Variants in TAGAP observed in about 807,000 individuals in gnomAD.
The protein encoded by TAGAP is T-cell activation Rho GTPase-activating protein.
Under a neutral mutation model 36.0 loss-of-function variants are expected in TAGAP, and 16 were observed. The ratio of observed to expected loss-of-function variants is 0.44; its 90% CI spans 0.30 to 0.68. TAGAP has a LOEUF of 0.68. Ranked by LOEUF, TAGAP falls within the 30% of genes least tolerant of loss-of-function variation. TAGAP has a pLI of 0.09. For synonymous variants in TAGAP, 372 were observed against 377.4 expected (o/e 0.99, Z 0.17); for missense variants, 794 against 921.5 (o/e 0.86, Z 1.79).
chr6:159,038,290 G>C, intron 8 of TAGAP, 62 bp from the exon 9 acceptor site: 1 of 837,456 alleles, frequency 1.2e-6, no homozygotes, highest in Non-Finnish European at 1.9e-6. Flanking sequence ...TTTTTTTTTG[G>C]AGGTGAGGAA....
chr6:159,038,225 T>C lies in TAGAP; in HGVS notation c.787A>G (p.Lys263Glu). 6.4e-7 allele frequency: 1 copy of C among 1,570,496 alleles called. No individual in the cohort carries two copies. The highest frequency in any genetic ancestry group is 8.7e-7 in the Non-Finnish European group (1 of 1,143,150). ...TCAATGAGGAATTCCACCAGTGTCT[T>C]CACCTGTGAGGAAAAGTAAGCAATT... ...EAQKDLNNKV[K>E]TLVEFLIDNC... The change falls in exon 9 of 10, where the codon AAG becomes GAG. Residue 263 changes from lysine to glutamate, a missense_variant. Physicochemically the swap from Lys to Glu is moderately conservative, Grantham distance 56. Coordinates refer to ENST00000367066, the MANE Select transcript of TAGAP (RefSeq NM_054114.5).
At chr6:159,040,673 A>G in intron 7 of TAGAP, 50 bp downstream of exon 7, 1 of 1,420,792 alleles carries the variant, frequency 7.0e-7, no homozygotes, top group Non-Finnish European at 9.9e-7. Context: ...AAAGAATCAA[A>G]AGACGGAGGT....
chr6:159,036,753 C>T lies in TAGAP; in HGVS notation c.1270G>A (p.Glu424Lys). ...ESEEAEDPFP[E>K]EVFPAVQGKT... ...CCTTGCACTGCAGGGAAGACCTCCT[C>T]TGGAAATGGGTCTTCAGCCTCCTCA... Residue 424 changes from glutamate (E) to lysine (K), a missense_variant, in exon 10 of 10, where the codon GAG (glutamate) becomes AAG (lysine). By Grantham distance (56) the Glu-to-Lys change is moderately conservative (BLOSUM62 1). Transcript: ENST00000367066. The surrounding 1 kb of genome is among the most constrained non-coding windows in gnomAD (Gnocchi z 4.9). 3.1e-6 allele frequency: 5 copies of T among 1,614,222 alleles called. No homozygotes were observed. The highest frequency in any genetic ancestry group is 4.2e-6 in the Non-Finnish European group (5 of 1,180,032).
intron 4 of TAGAP, 30 bp downstream of exon 4, chr6:159,043,559 A>G (rs1779830748): frequency 6.2e-7 from 1 of 1,610,582 alleles, no homozygotes; most frequent in Non-Finnish European, 8.5e-7. Context: ...TAGCACTTAC[A>G]TAAAAGATCG....
chr6:159,038,843 A>G lies in TAGAP; in HGVS notation c.783+271T>C, dbSNP rs1441999891. On this transcript the variant is annotated intron_variant, in intron 8 of 9. Transcript: ENST00000367066. ...ATAGACTGTGGTGTACAAAACACAA[A>G]AACAAAAGGGCTTTTTTATATCGGG... is the stretch of plus-strand genomic sequence containing the variant. 2.3e-6 allele frequency: 3 copies of G among 1,289,602 alleles called. No individual in the cohort carries two copies. In the African/African-American group the frequency reaches 4.5e-5, roughly 19 times the overall value. The allele number at this position is 1,289,602 out of a possible 1,614,324, so 79.9% of individuals were successfully genotyped here.
In TAGAP at chr6:159,041,985, C is replaced by G. The variant is rs1779769461; in HGVS notation, c.315+93G>C. 7.1e-7 allele frequency: 1 copy of G among 1,411,306 alleles called. No individual in the cohort carries two copies. Among genetic ancestry groups the G allele is most frequent in the Non-Finnish European group, 9.7e-7 (1 of 1,029,138 alleles). 87.4% of individuals were successfully genotyped at this position (1,411,306 alleles called of 1,614,324 possible). On this transcript the variant is annotated intron_variant, in intron 5 of 9. Coordinates refer to ENST00000367066, the MANE Select transcript of TAGAP (RefSeq NM_054114.5). This position sits in a 1 kb window ranked among gnomAD's most constrained non-coding sequence, Gnocchi z 4.1. ...GGAAAATATGGAAGATCAGTCCCTA[C>G]AAACTTAATAGGAGAATGACATTCA... is the stretch of plus-strand genomic sequence containing the variant.
Position 159,036,519 on chromosome 6 carries a change from G to A in TAGAP, c.1504C>T (p.Arg502Ter). The A allele has an allele frequency of 6.2e-7, 1 of 1,614,082 alleles. No homozygotes were observed. Among genetic ancestry groups the A allele is most frequent in the South Asian group, 1.1e-5 (1 of 91,074 alleles). The change falls in exon 10 of 10, where the codon CGA (arginine) becomes TGA (stop). Residue 502 changes from arginine to a stop codon, truncating the protein, a stop_gained. Coordinates refer to ENST00000367066, the MANE Select transcript of TAGAP (RefSeq NM_054114.5). LOFTEE classifies it low-confidence loss of function (END_TRUNC). The surrounding 1 kb of genome is among the most constrained non-coding windows in gnomAD (Gnocchi z 4.9). Reference protein sequence around the residue: ...TTKTEKGKPSREIKKHSMSFT... With the variant: ...TTKTEKGKPS ...GACATGGAGTGCTTTTTAATTTCTC[G>A]GCTGGGCTTGCCTTTCTCTGTCTTT...
At chr6:159,038,412 C>A (rs556855932) in intron 8 of TAGAP, among the ~76,000 whole-genome samples, 184 bp from the exon 9 acceptor site, 3 of 146,028 alleles carry the variant, frequency 2.1e-5, no homozygotes, top group Non-Finnish European at 4.5e-5. Flanking sequence ...TTTTTTGAGA[C>A]AGGCTTTCAC....
rs1217642985 is a variant in TAGAP at position 159,035,707 on chromosome 6, C to T, written c.*120G>A. 1 of 1,043,492 alleles carries T rather than the reference C, an allele frequency of 9.6e-7. No homozygotes were observed. Among genetic ancestry groups the T allele is most frequent in the East Asian group, 2.6e-5 (1 of 38,194 alleles). The allele number at this position is 1,043,492 out of a possible 1,614,324, so 64.6% of individuals were successfully genotyped here. Reference sequence around the variant, plus strand: ...GTGTAGCTATCCTCACTGAGGAGGGCTTTCCACAACTTTCTCAAGGAGCTT... The same window carrying T: ...GTGTAGCTATCCTCACTGAGGAGGGTTTTCCACAACTTTCTCAAGGAGCTT... On this transcript the variant is annotated 3_prime_UTR_variant, in exon 10 of 10. Coordinates refer to ENST00000367066, the MANE Select transcript of TAGAP (RefSeq NM_054114.5).
Position 159,041,594 on chromosome 6 carries a change from G to A in TAGAP, c.316-79C>T, listed in dbSNP as rs572286674. ...CTGAGATAGTCTTAACAGGAATATT[G>A]ATGTCAGATTTTGCTTTCAGTCCAG... On this transcript the variant is annotated intron_variant, in intron 5 of 9. Transcript: ENST00000367066. This position sits in a 1 kb window ranked among gnomAD's most constrained non-coding sequence, Gnocchi z 4.1. 915 of 1,445,772 alleles carry A rather than the reference G, an allele frequency of 6.3e-4. 11 individuals carry two copies. In the South Asian group the frequency reaches 7.2e-3, roughly 11 times the overall value. The allele number at this position is 1,445,772 out of a possible 1,614,324, so 89.6% of individuals were successfully genotyped here.
In TAGAP at chr6:159,035,837, G is replaced by A; in HGVS notation, c.2186C>T (p.Ser729Leu). The A allele has an allele frequency of 6.3e-7, 1 of 1,597,096 alleles. No individual in the cohort carries two copies. The highest frequency in any genetic ancestry group is 8.6e-7 in the Non-Finnish European group (1 of 1,166,350). ...EADQFQYAKE[S>L]YI ...CGTATGGCCTCCCTCCTAAATATAC[G>A]ATTCTTTGGCATATTGGAATTGGTC... The change falls in exon 10 of 10, where the codon TCG (serine) becomes TTG (leucine). Residue 729 changes from serine to leucine, a missense_variant. Ser to Leu is a moderately radical substitution (Grantham distance 145). Coordinates refer to ENST00000367066, the MANE Select transcript of TAGAP (RefSeq NM_054114.5).
rs1307728125 is a variant in TAGAP at position 159,041,274 on chromosome 6, A to C, written c.477+80T>G. 8.5e-6 allele frequency: 13 copies of C among 1,538,462 alleles called. No homozygotes were observed. Among genetic ancestry groups the C allele is most frequent in the East Asian group, 2.3e-5 (1 of 44,272 alleles). ...CAGTGTACCTTGCTGTGTGGGGAGA[A>C]GAGCCTATTTCTTGCATCCTGAGAA... On this transcript the variant is annotated intron_variant, in intron 6 of 9. Transcript: ENST00000367066. This position sits in a 1 kb window ranked among gnomAD's most constrained non-coding sequence, Gnocchi z 4.1.
At position 159,043,648 on chromosome 6, in the gene TAGAP, A is replaced by G; in HGVS notation, c.89T>C (p.Ile30Thr). 1 of 1,614,030 alleles carries G rather than the reference A, an allele frequency of 6.2e-7. No homozygotes were observed. The highest frequency in any genetic ancestry group is 8.5e-7 in the Non-Finnish European group (1 of 1,179,928). ...TGATGCCAACAGGGGATGTTCCTTG[A>G]TATCACCCTAAAAACATTTTTATTT... ...TLIECQSEGD[I>T]KEHPLLASCE... The change falls in exon 4 of 10, where the codon ATC becomes ACC. Residue 30 changes from isoleucine (I) to threonine (T), a missense_variant. Ile to Thr is a moderately conservative substitution (Grantham distance 89). Transcript: ENST00000367066.
At position 159,038,096 on chromosome 6, in the gene TAGAP, T is replaced by C. The variant is rs1175773076; in HGVS notation, c.898+18A>G. ...ACTTTTCCCTACAATCGTAATCAAA[T>C]GATAGCACATTCCATACCTGAACTG... On this transcript the variant is annotated intron_variant, in intron 9 of 9. Coordinates refer to ENST00000367066, the MANE Select transcript of TAGAP (RefSeq NM_054114.5). 1 of 1,510,598 alleles carries C rather than the reference T, an allele frequency of 6.6e-7. No homozygotes were observed. The highest frequency in any genetic ancestry group is 1.4e-5 in the African/African-American group (1 of 72,504). The allele number at this position is 1,510,598 out of a possible 1,614,324, so 93.6% of individuals were successfully genotyped here.
At position 159,042,203 on chromosome 6, in the gene TAGAP, T is replaced by G. The variant is rs990556535; in HGVS notation, c.190A>C (p.Met64Leu). Residue 64 changes from methionine to leucine, a missense_variant, in exon 5 of 10, where the codon ATG (methionine) becomes CTG (leucine). Met to Leu is a conservative substitution (Grantham distance 15). Coordinates refer to ENST00000367066, the MANE Select transcript of TAGAP (RefSeq NM_054114.5). Reference sequence around the variant, plus strand: ...TCTGATGCAGGGGAGAGCCTTCTCATGAGAAAGGGCCAGGACAGCACCTTC... The same window carrying G: ...TCTGATGCAGGGGAGAGCCTTCTCAGGAGAAAGGGCCAGGACAGCACCTTC... ...RKKVLSWPFL[M>L]RRLSPASDFS... 1 of 1,614,134 alleles carries G rather than the reference T, an allele frequency of 6.2e-7. No individual in the cohort carries two copies. The highest frequency in any genetic ancestry group is 8.5e-7 in the Non-Finnish European group (1 of 1,180,022).
In TAGAP at chr6:159,035,586, T is replaced by G; in HGVS notation, c.*241A>C. 1 of 420,386 alleles carries G rather than the reference T, an allele frequency of 2.4e-6. No homozygotes were observed. Among genetic ancestry groups the G allele is most frequent in the Non-Finnish European group, 4.3e-6 (1 of 232,934 alleles). The allele number at this position is 420,386 out of a possible 1,614,324, so 26.0% of individuals were successfully genotyped here. ...CGTGTGCAGGGATTATTAGACATCC[T>G]TTGCACCTAACACCTTATCTATAAT... On this transcript the variant is annotated 3_prime_UTR_variant, in exon 10 of 10. Coordinates refer to ENST00000367066, the MANE Select transcript of TAGAP (RefSeq NM_054114.5).
In TAGAP at chr6:159,039,189, G is replaced by A. The variant is rs1262461679; in HGVS notation, c.708C>T (p.Cys236=). Residue 236 remains cysteine, a synonymous_variant, in exon 8 of 10, where the codon TGC becomes TGT. Transcript: ENST00000367066. ...CCAGGGTGAGCATGTTGGGTCCAAT[G>A]CAGATGGCCAGATTGCTGGAGTCCA... ...NRMDSSNLAI[C]IGPNMLTLEN... 4 of 1,614,182 alleles carry A rather than the reference G, an allele frequency of 2.5e-6. No homozygotes were observed. The highest frequency in any genetic ancestry group is 3.4e-6 in the Non-Finnish European group (4 of 1,180,034).
rs748463457 is a variant in TAGAP at position 159,036,661 on chromosome 6, TGCCCGCGGGAGCACCGAACCCGGG to T, written c.1338_1361del (p.Pro447_Ala454del). ...TGCTGGAGAAGGCTTTGAGAACCAGTGCCCGCGGGAGCACCGAACCCGGGGCCAAGTTCTTGATCTTCAGGTCCA... is the reference window on the plus strand; with the variant it reads ...TGCTGGAGAAGGCTTTGAGAACCAGTGCCAAGTTCTTGATCTTCAGGTCCA... On this transcript the variant is annotated inframe_deletion, in exon 10 of 10. Coordinates refer to ENST00000367066, the MANE Select transcript of TAGAP (RefSeq NM_054114.5). This position sits in a 1 kb window ranked among gnomAD's most constrained non-coding sequence, Gnocchi z 4.9. The T allele has an allele frequency of 4.8e-5, 78 of 1,614,034 alleles. No individual in the cohort carries two copies. The highest frequency in any genetic ancestry group is 6.4e-5 in the Non-Finnish European group (76 of 1,180,028).
At chr6:159,043,734 C>A in intron 3 of TAGAP, 79 bp from the exon 4 acceptor site, 1 of 1,359,906 alleles carries the variant, frequency 7.4e-7, no homozygotes, top group Non-Finnish European at 1.0e-6. Flanking sequence ...ACACATACAG[C>A]ATTTTATTCA....
Sources: gnomAD v4.1 joint callset for allele counts (sites outside exome capture counted in the v4.1 genomes callset) on GRCh38, gnomAD v4.1.1 for gene constraint, Gnocchi (gnomAD v3.1) non-coding constraint, MANE v1.5 for transcripts, NCBI Gene and HGNC (gene_info 2026-07-23, HGNC 2026-07-21) for gene names.